Variants in NCOA2 observed in about 807,000 individuals in gnomAD.
NCOA2 encodes the protein class E basic helix-loop-helix protein 75.
Under a neutral mutation model 145.1 loss-of-function variants are expected in NCOA2, and 21 were observed. The observed-to-expected ratio is 0.14, with a 90% CI of 0.10 to 0.21. The LOEUF (loss-of-function observed/expected upper bound fraction) is 0.21, where lower values mean the gene tolerates loss of function less well. Ranked by LOEUF, NCOA2 falls within the 10% of genes least tolerant of loss-of-function variation. The pLI, the probability that NCOA2 is intolerant of heterozygous loss-of-function variation, is 1.00. For synonymous variants in NCOA2, 619 were observed against 637.5 expected (o/e 0.97, Z 0.44); for missense variants, 1,472 against 1,837.6 (o/e 0.80, Z 3.64).
chr8:70,424,301 A>G, the NCOA2 span: 10 of 373,064 alleles, frequency 2.7e-5, no homozygotes, highest in Non-Finnish European at 5.1e-5. Flanking sequence ...ACCTGGCTAT[A>G]GTTTCCAGCC....
chr8:70,342,928 A>G (rs1808285977), intron 1 of NCOA2, among the ~76,000 whole-genome samples: 1 of 152,046 alleles, frequency 6.6e-6, no homozygotes, highest in Non-Finnish European at 1.5e-5. Flanking sequence ...CAAAATATAA[A>G]TGATACCACT....
intron 19 of NCOA2, among the ~76,000 whole-genome samples, chr8:70,125,874 T>C (rs1808354854): frequency 2.0e-5 from 3 of 152,066 alleles, no homozygotes; most frequent in African/African-American, 4.8e-5. Context: ...AAGAAGGAAA[T>C]AGAGAAAGGA....
At chr8:70,166,876 T>C in intron 6 of NCOA2, 122 bp from the exon 7 acceptor site, 1 of 883,076 alleles carries the variant, frequency 1.1e-6, no homozygotes, top group South Asian at 1.8e-5. Context: ...ACTTTTATAC[T>C]TGTCTAAATA....
intron 4 of NCOA2, among the ~76,000 whole-genome samples, chr8:70,210,424 T>C (rs967190051): frequency 6.6e-6 from 1 of 152,170 alleles, no homozygotes; most frequent in East Asian, 1.9e-4. Context: ...TACGGAATTC[T>C]CTATTTGATG....
At chr8:70,335,881 G>A (rs866948472) in intron 1 of NCOA2, among the ~76,000 whole-genome samples, 4 of 152,088 alleles carry the variant, frequency 2.6e-5, no homozygotes, top group Admixed American at 1.3e-4. Flanking sequence ...CCATTGTACC[G>A]AATACTGTGG....
At chr8:70,130,303 ATGG>A (rs1808948619) in intron 16 of NCOA2, among the ~76,000 whole-genome samples, 1 of 152,240 alleles carries the variant, frequency 6.6e-6, no homozygotes, top group Non-Finnish European at 1.5e-5. Context: ...TATTATAATG[ATGG>A]TGGATTTGAT....
intron 4 of NCOA2, among the ~76,000 whole-genome samples, chr8:70,199,428 GT>G (rs34220425): frequency 0.89 from 128,749 of 144,090 alleles, 57,975 homozygotes; most frequent in African/African-American, 0.95. Flanking sequence ...TCTAGCCTGG[GT>G]TGTCAGAGTG....
chr8:70,262,102 A>G (rs1156475443), intron 2 of NCOA2, among the ~76,000 whole-genome samples: 1 of 152,150 alleles, frequency 6.6e-6, no homozygotes, highest in East Asian at 1.9e-4. Context: ...TACCATCTCA[A>G]TATCAAAGCT....
intron 2 of NCOA2, among the ~76,000 whole-genome samples, chr8:70,268,823 G>C (rs762217731): frequency 7.0e-4 from 107 of 152,138 alleles, no homozygotes; most frequent in Non-Finnish European, 8.7e-4. Context: ...GGAGTAATAA[G>C]CTATAAATAT....
chr8:70,250,432 C>T lies in NCOA2; in HGVS notation c.-19-33668G>A, dbSNP rs1028821280. Reference sequence around the variant, plus strand: ...AAAAAAAAAAAAAAAGTCAGCCGAGCGTGGTGGCACGCCTGTGGTCCCAGC... The same window carrying T: ...AAAAAAAAAAAAAAAGTCAGCCGAGTGTGGTGGCACGCCTGTGGTCCCAGC... On this transcript the variant is annotated intron_variant, in intron 2 of 22. Transcript: ENST00000452400. Among the ~76,000 whole-genome samples, 9 of 140,694 alleles carry T rather than the reference C, an allele frequency of 6.4e-5. No homozygotes were observed. In the East Asian group the frequency reaches 1.2e-3, roughly 20 times the overall value. 92.3% of individuals were successfully genotyped at this position (140,694 alleles called of 152,430 possible).
At chr8:70,209,022 T>G (rs989613082) in intron 4 of NCOA2, among the ~76,000 whole-genome samples, 1 of 152,216 alleles carries the variant, frequency 6.6e-6, no homozygotes, top group Non-Finnish European at 1.5e-5. Context: ...AAGAAAAATA[T>G]TCTGGAAAGG....
chr8:70,308,825 T>C (rs192251438), intron 1 of NCOA2, among the ~76,000 whole-genome samples: 12 of 152,280 alleles, frequency 7.9e-5, no homozygotes, highest in African/African-American at 2.9e-4. Context: ...GTGTTAATAA[T>C]AATGACAAGA....
At chr8:70,281,703 C>T (rs1027537293) in intron 2 of NCOA2, among the ~76,000 whole-genome samples, 2 of 152,118 alleles carry the variant, frequency 1.3e-5, no homozygotes, top group Non-Finnish European at 2.9e-5. Flanking sequence ...GCCTGAACAC[C>T]ATGCAGCAGT....
chr8:70,195,786 T>G, intron 4 of NCOA2, among the ~76,000 whole-genome samples: 1 of 152,184 alleles, frequency 6.6e-6, no homozygotes, highest in East Asian at 1.9e-4. Context: ...CTACACCGCT[T>G]ACAACTTTCT....
At chr8:70,328,483 G>C (rs1029896964) in intron 1 of NCOA2, among the ~76,000 whole-genome samples, 1 of 152,030 alleles carries the variant, frequency 6.6e-6, no homozygotes, top group Admixed American at 6.6e-5. Context: ...TAAATTCCTT[G>C]AATAAATTTC....
intron 1 of NCOA2, among the ~76,000 whole-genome samples, chr8:70,307,220 C>CAAAAAAAAAAA (rs57161747): frequency 1.7e-3 from 121 of 71,470 alleles, no homozygotes; most frequent in Middle Eastern, 0.011. Context: ...CCTACATAAG[C>CAAAAAAAAAAA]AAAAAAAAAA....
At chr8:70,338,849 C>T (rs4410938) in intron 1 of NCOA2, among the ~76,000 whole-genome samples, 15,974 of 152,086 alleles carry the variant, frequency 0.11, 1,285 homozygotes, top group East Asian at 0.41. Flanking sequence ...AGACAAAAAA[C>T]ACATGATTAT....
chr8:70,387,061 A>C (rs531755727), intron 1 of NCOA2, among the ~76,000 whole-genome samples: 1 of 151,952 alleles, frequency 6.6e-6, no homozygotes, highest in South Asian at 2.1e-4. Context: ...TTTTTCTTTT[A>C]TTTTTGGTAG....
chr8:70,438,691 A>T, the NCOA2 span, among the ~76,000 whole-genome samples: 1 of 152,216 alleles, frequency 6.6e-6, no homozygotes, highest in East Asian at 1.9e-4. Flanking sequence ...CATTTATTTT[A>T]AAAAATACAT....
Sources: allele counts gnomAD v4.1 joint callset (sites outside exome capture counted in the v4.1 genomes callset), GRCh38; gene constraint gnomAD v4.1.1; transcripts MANE v1.5; gene names NCBI Gene and HGNC (gene_info 2026-07-23, HGNC 2026-07-21).